Variants in NKX6-3 observed in about 807,000 individuals in gnomAD.
NKX6-3 encodes NK6 homeobox 3.
A neutral mutation model predicts 22.0 loss-of-function variants in NKX6-3; 17 were observed. The observed-to-expected ratio is 0.77, with a 90% CI of 0.53 to 1.16. NKX6-3 has a LOEUF of 1.16. Among genes scored for constraint, NKX6-3 ranks in the 50% most tolerant of loss-of-function variants. The pLI is 0.00. For synonymous variants in NKX6-3, 177 were observed against 167.2 expected (o/e 1.06, Z -0.45); for missense variants, 363 against 359.0 (o/e 1.01, Z -0.09).
intron 2 of NKX6-3, 104 bp from the exon 3 acceptor site, chr8:41,646,798 G>A (rs184152075): frequency 0.017 from 24,929 of 1,429,720 alleles, 265 homozygotes; most frequent in Non-Finnish European, 0.021. Context: ...ACAACGGAGT[G>A]ACTGTCACAT....
chr8:41,650,695 T>TG lies in NKX6-3; in HGVS notation c.-204dup. ...TCGGAAGTCAGGTGCTCGGGGCAGG[T>TG]GGGAGGCCTCCCCAGGGCTCCTGGC... On this transcript the variant is annotated 5_prime_UTR_variant, in exon 1 of 3. Transcript: ENST00000518699. 3.5e-6 allele frequency: 2 copies of TG among 574,158 alleles called. No homozygotes were observed. The highest frequency in any genetic ancestry group is 4.1e-5 in the South Asian group (2 of 49,078). 35.6% of individuals were successfully genotyped at this position (574,158 alleles called of 1,614,324 possible). A position where few individuals can be genotyped will look rare whatever the true frequency, so the allele number is the denominator to read the frequency against.
At position 41,650,560 on chromosome 8, in the gene NKX6-3, C is replaced by A; in HGVS notation, c.-68G>T. On this transcript the variant is annotated 5_prime_UTR_variant, in exon 1 of 3. Coordinates refer to ENST00000518699, the MANE Select transcript of NKX6-3 (RefSeq NM_001364841.2). ...AACCCAAGAGCCCACTCTCTAGCCC[C>A]AAATCTCATGGCAGGCCTGGAGGCT... 6.8e-7 allele frequency: 1 copy of A among 1,460,626 alleles called. No individual in the cohort carries two copies. Among genetic ancestry groups the A allele is most frequent in the Non-Finnish European group, 9.1e-7 (1 of 1,093,826 alleles). 90.5% of individuals were successfully genotyped at this position (1,460,626 alleles called of 1,614,324 possible).
intron 2 of NKX6-3, chr8:41,647,107 C>T: frequency 1.4e-6 from 2 of 1,433,240 alleles, no homozygotes. Context: ...GACCCTCACC[C>T]TACTTCATAA....
In NKX6-3 at chr8:41,650,238, C is replaced by A. The variant is rs1198257940; in HGVS notation, c.255G>T (p.Ser85=). 7 of 1,532,906 alleles carry A rather than the reference C, an allele frequency of 4.6e-6. No homozygotes were observed. The highest frequency in any genetic ancestry group is 2.4e-5 in the East Asian group (1 of 40,910). 95.0% of individuals were successfully genotyped at this position (1,532,906 alleles called of 1,614,324 possible). A position where few individuals can be genotyped will look rare whatever the true frequency, so the allele number is the denominator to read the frequency against. Residue 85 remains serine (S), a synonymous_variant, in exon 1 of 3, where the codon TCG becomes TCT. Transcript: ENST00000518699. ...CCTGGGGGCTGTAGTAGACCCCCTG[C>A]GAGCTGAGCCCCCCAAAGCCTGCCA... is the stretch of plus-strand genomic sequence containing the variant. ...PHVAGFGGLS[S]QGVYYSPQVG...
At position 41,650,493 on chromosome 8, in the gene NKX6-3, G is replaced by A; in HGVS notation, c.-1C>T. ...ACGTCCCCTGCAGGTTGGACTCCAT[G>A]ATCTCCCAGTCAGGACAGGGAAGGC... On this transcript the variant is annotated 5_prime_UTR_variant, in exon 1 of 3. Coordinates refer to ENST00000518699, the MANE Select transcript of NKX6-3 (RefSeq NM_001364841.2). 6.5e-7 allele frequency: 1 copy of A among 1,535,208 alleles called. No individual in the cohort carries two copies.
Position 41,646,700 on chromosome 8 carries a change from A to G in NKX6-3, c.553-6T>C. The G allele has an allele frequency of 6.5e-7, 1 of 1,537,160 alleles. No homozygotes were observed. Among genetic ancestry groups the G allele is most frequent in the South Asian group, 1.2e-5 (1 of 83,696 alleles). ...CTGCGGTTCTGGAACCACACCTGCG[A>G]TGAGAAAGAATGTGAAGGGCACAGG... On this transcript the variant is annotated splice_polypyrimidine_tract_variant and splice_region_variant and intron_variant, in intron 2 of 2. Coordinates refer to ENST00000518699, the MANE Select transcript of NKX6-3 (RefSeq NM_001364841.2).
At position 41,646,067 on chromosome 8, in the gene NKX6-3, T is replaced by G; in HGVS notation, c.*382A>C. ...CCCCAACAGCTGGATCACAGTGGCA[T>G]GTCTGGGACCCCACAGCCAGTTTCT... On this transcript the variant is annotated 3_prime_UTR_variant, in exon 3 of 3. Transcript: ENST00000518699. 8.9e-6 allele frequency: 2 copies of G among 224,738 alleles called. No homozygotes were observed. The highest frequency in any genetic ancestry group is 1.7e-5 in the Non-Finnish European group (2 of 115,636). 13.9% of individuals were successfully genotyped at this position (224,738 alleles called of 1,614,324 possible).
At position 41,650,647 on chromosome 8, in the gene NKX6-3, G is replaced by T; in HGVS notation, c.-155C>A. 7.8e-6 allele frequency: 6 copies of T among 772,592 alleles called. No homozygotes were observed. Among genetic ancestry groups the T allele is most frequent in the Non-Finnish European group, 1.2e-5 (6 of 497,524 alleles). 47.9% of individuals were successfully genotyped at this position (772,592 alleles called of 1,614,324 possible). A position where few individuals can be genotyped will look rare whatever the true frequency, so the allele number is the denominator to read the frequency against. ...AAGGCATGGGCCAGGCCCTGGCCCA[G>T]GAACCGGCACCCGATCAGCTGCTCG... is the stretch of plus-strand genomic sequence containing the variant. On this transcript the variant is annotated 5_prime_UTR_variant, in exon 1 of 3. In the 5' UTR this introduces an upstream ATG that the reference lacks. Transcript: ENST00000518699.
intron 2 of NKX6-3, 102 bp downstream of exon 2, chr8:41,647,964 T>A (rs1804245922): frequency 9.2e-7 from 1 of 1,090,024 alleles, no homozygotes; most frequent in Admixed American, 2.6e-5. Context: ...ACAGCTGCCC[T>A]CTGGGGGGCT....
rs953051499 is a variant in NKX6-3 at position 41,650,252 on chromosome 8, C to G, written c.241G>C (p.Gly81Arg). The stretch of plus-strand genomic sequence containing the variant: ...TAGACCCCCTGCGAGCTGAGCCCCC[C>G]AAAGCCTGCCACGTGGGGGTAGCCG... ...LSGYPHVAGF[G>R]GLSSQGVYYS... Residue 81 changes from glycine to arginine, a missense_variant, in exon 1 of 3, where the codon GGG (glycine) becomes CGG (arginine). Transcript: ENST00000518699. 8 of 1,533,318 alleles carry G rather than the reference C, an allele frequency of 5.2e-6. No homozygotes were observed. The highest frequency in any genetic ancestry group is 3.9e-5 in the Admixed American group (2 of 50,658). 95.0% of individuals were successfully genotyped at this position (1,533,318 alleles called of 1,614,324 possible).
Position 41,647,467 on chromosome 8 carries a change from G to T in NKX6-3, c.552+599C>A, listed in dbSNP as rs546907474. 4.5e-6 allele frequency: 5 copies of T among 1,119,216 alleles called. No individual in the cohort carries two copies. The African/African-American group carries it at 6.4e-5, about 14-fold the overall frequency. 69.3% of individuals were successfully genotyped at this position (1,119,216 alleles called of 1,614,324 possible). On this transcript the variant is annotated intron_variant, in intron 2 of 2. Coordinates refer to ENST00000518699, the MANE Select transcript of NKX6-3 (RefSeq NM_001364841.2). ...CGGGTCTATTTAGGGGGCATTTGGG[G>T]CCCCTGCGTGTGGAGTGGGAGAGCC...
chr8:41,648,312 AC>A, intron 1 of NKX6-3, 77 bp from the exon 2 acceptor site: 1 of 1,273,710 alleles, frequency 7.9e-7, no homozygotes, highest in Non-Finnish European at 1.1e-6. Flanking sequence ...CAGGGCAACC[AC>A]CATGCCTGCC....
intron 1 of NKX6-3, among the ~76,000 whole-genome samples, chr8:41,649,371 A>G (rs564878477): frequency 6.6e-6 from 1 of 152,244 alleles, no homozygotes; most frequent in Admixed American, 6.5e-5. Context: ...AGAAGATTCC[A>G]AAAACTCTCA....
chr8:41,645,678 C>T lies in NKX6-3; in HGVS notation c.*771G>A, dbSNP rs186723504. On this transcript the variant is annotated 3_prime_UTR_variant, in exon 3 of 3. Transcript: ENST00000518699. ...TCTCCCTGCACCCTCCCCTTTTCCC[C>T]GGCTGTCAGGATGAGGAGGGCACAG... 73 of 152,624 alleles carry T rather than the reference C, an allele frequency of 4.8e-4. No homozygotes were observed. Among genetic ancestry groups the T allele is most frequent in the Non-Finnish European group, 7.6e-4 (52 of 68,230 alleles). 9.5% of individuals were successfully genotyped at this position (152,624 alleles called of 1,614,324 possible).
chr8:41,646,978 T>C (rs1459865695), intron 2 of NKX6-3, among the ~76,000 whole-genome samples: 1 of 96,674 alleles, frequency 1.0e-5, no homozygotes, highest in Non-Finnish European at 2.0e-5. Context: ...CTCCTTCTCC[T>C]CCTCCTCCTC....
In NKX6-3 at chr8:41,650,489, C is replaced by CCATG. The variant is rs781610562; in HGVS notation, c.-1_3dup (p.Glu2HisfsTer134). On this transcript the variant is annotated frameshift_variant, in exon 1 of 3. Coordinates refer to ENST00000518699, the MANE Select transcript of NKX6-3 (RefSeq NM_001364841.2). LOFTEE classifies it high-confidence loss of function. ...AGGAACGTCCCCTGCAGGTTGGACT[C>CCATG]CATGATCTCCCAGTCAGGACAGGGA... 1.3e-6 allele frequency: 2 copies of CCATG among 1,535,270 alleles called. No individual in the cohort carries two copies. Among genetic ancestry groups the CCATG allele is most frequent in the South Asian group, 2.4e-5 (2 of 83,844 alleles).
chr8:41,650,182 T>C lies in NKX6-3; in HGVS notation c.311A>G (p.Tyr104Cys), dbSNP rs1396763422. The C allele has an allele frequency of 6.5e-7, 1 of 1,535,270 alleles. No homozygotes were observed. Among genetic ancestry groups the C allele is most frequent in the South Asian group, 1.2e-5 (1 of 83,988 alleles). ...VGNFSKAGNE[Y>C]PTRTRNCWAD... ...CCAGCAGTTCCGGGTCCGGGTCGGG[T>C]ACTCGTTCCCAGCCTTGGAAAAATT... Residue 104 changes from tyrosine (Y) to cysteine (C), a missense_variant, in exon 1 of 3, where the codon TAC (tyrosine) becomes TGC (cysteine). By Grantham distance (194) the Tyr-to-Cys change is radical (BLOSUM62 -2). Coordinates refer to ENST00000518699, the MANE Select transcript of NKX6-3 (RefSeq NM_001364841.2).
rs1401237811 is a variant in NKX6-3 at position 41,648,252 on chromosome 8, A to G, written c.383-17T>C. 1 of 1,528,208 alleles carries G rather than the reference A, an allele frequency of 6.5e-7. No homozygotes were observed. Among genetic ancestry groups the G allele is most frequent in the Non-Finnish European group, 8.8e-7 (1 of 1,141,484 alleles). 94.7% of individuals were successfully genotyped at this position (1,528,208 alleles called of 1,614,324 possible). ...GGTCTGGGGCTGGCAGGAGGAAGGA[A>G]GTGTGGGGTTAGTAGAATAAGTGGG... On this transcript the variant is annotated splice_polypyrimidine_tract_variant and intron_variant, in intron 1 of 2. Coordinates refer to ENST00000518699, the MANE Select transcript of NKX6-3 (RefSeq NM_001364841.2).
At chr8:41,647,402 A>G in intron 2 of NKX6-3, 4 of 1,515,510 alleles carry the variant, frequency 2.6e-6, no homozygotes, top group Non-Finnish European at 3.5e-6. Flanking sequence ...AAGTGGGGAA[A>G]GTTGCCCCCA....
Sources: allele counts gnomAD v4.1 joint callset (sites outside exome capture counted in the v4.1 genomes callset), GRCh38; gene constraint gnomAD v4.1.1; transcripts MANE v1.5; gene names NCBI Gene and HGNC (gene_info 2026-07-23, HGNC 2026-07-21).